INVS: variants seen among roughly 807,000 people sequenced by gnomAD.
INVS encodes the protein inversion of embryo turning homolog.
A neutral mutation model predicts 108.8 loss-of-function variants in INVS; 86 were observed. The observed-to-expected ratio is 0.79, with a 90% confidence interval of 0.66 to 0.95. The LOEUF (loss-of-function observed/expected upper bound fraction) is 0.95, where lower values mean the gene tolerates loss of function less well. Among genes scored for constraint, INVS ranks in the 40% least tolerant of loss-of-function variants. The probability of loss-of-function intolerance (pLI) is 0.00; values close to 1 mark genes in which losing one functional copy is unlikely to be tolerated. For synonymous variants in INVS, 455 were observed against 473.5 expected (o/e 0.96, Z 0.51); for missense variants, 1,169 against 1,297.4 (o/e 0.90, Z 1.52).
intron 2 of INVS, chr9:100,117,181 G>T: frequency 9.0e-7 from 1 of 1,110,222 alleles, no homozygotes; most frequent in Non-Finnish European, 1.3e-6. Context: ...TGGCCTTACG[G>T]ATGGTGGTGG....
intron 3 of INVS, among the ~76,000 whole-genome samples, chr9:100,132,556 G>T (rs1828085749): frequency 6.6e-6 from 1 of 152,048 alleles, no homozygotes; most frequent in African/African-American, 2.4e-5. Context: ...TTATTCTCAA[G>T]GACTACATTA....
intron 3 of INVS, among the ~76,000 whole-genome samples, chr9:100,219,944 A>T (rs1831095710): frequency 6.6e-6 from 1 of 152,132 alleles, no homozygotes. Context: ...GGAATGATAA[A>T]CACCCAATTC....
chr9:100,275,783 G>A (rs1833093674), intron 12 of INVS, among the ~76,000 whole-genome samples: 1 of 152,176 alleles, frequency 6.6e-6, no homozygotes, highest in Non-Finnish European at 1.5e-5. Flanking sequence ...AAGTTATAGC[G>A]ATATTTACTA....
Position 100,292,829 on chromosome 9 carries a change from G to A in INVS, c.2572G>A (p.Gly858Arg), listed in dbSNP as rs1833667122. The stretch of plus-strand genomic sequence containing the variant: ...ACAGAGCACAGAGGAGTTGAGGTCA[G>A]GAGCTAGGAGGCTGGAGACATCTAC... ...LPQSTEELRS[G>R]ARRLETSTLS... The change falls in exon 14 of 17, where the codon GGA becomes AGA. Residue 858 changes from glycine to arginine, a missense_variant. Around this residue, in one of 3 missense-constraint regions of INVS, gnomAD observed 533 missense variants for 536.0 expected, o/e 0.99. Transcript: ENST00000262457. The A allele has an allele frequency of 2.5e-6, 4 of 1,614,148 alleles. No homozygotes were observed. In the East Asian group the frequency reaches 8.9e-5, roughly 36 times the overall value.
intron 2 of INVS, chr9:100,117,189 TG>T: frequency 9.3e-7 from 1 of 1,074,858 alleles, no homozygotes; most frequent in Non-Finnish European, 1.4e-6. Flanking sequence ...CGGATGGTGG[TG>T]GCCACTTCCT....
In INVS at chr9:100,272,920, T is replaced by C. The variant is rs750486294; in HGVS notation, c.1628T>C (p.Met543Thr). The part of the protein sequence containing the change: ...LGERHEVIQF[M>T]LEHGALSIAA... ...GAGCGCCATGAAGTGATCCAGTTCA[T>C]GTTGGAGCACGGTGCCCTGTCCATC... Residue 543 changes from methionine (M) to threonine (T), a missense_variant, in exon 12 of 17, where the codon ATG becomes ACG. Met to Thr is a moderately conservative substitution (Grantham distance 81, BLOSUM62 -1). Transcript: ENST00000262457. 1 of 1,614,134 alleles carries C rather than the reference T, an allele frequency of 6.2e-7. No homozygotes were observed. The highest frequency in any genetic ancestry group is 1.7e-5 in the Admixed American group (1 of 60,008).
chr9:100,109,097 A>G (rs1320307910), intron 2 of INVS, among the ~76,000 whole-genome samples: 1 of 152,250 alleles, frequency 6.6e-6, no homozygotes, highest in Admixed American at 6.5e-5. Flanking sequence ...AATTTAGTAG[A>G]TTCATTTTAA....
chr9:100,182,444 G>A (rs182718074), intron 3 of INVS, among the ~76,000 whole-genome samples: 13 of 152,150 alleles, frequency 8.5e-5, no homozygotes, highest in East Asian at 1.9e-4. Flanking sequence ...AAAAGTGGGC[G>A]AAGTATATAA....
chr9:100,276,626 A>T (rs1212956869), intron 12 of INVS, among the ~76,000 whole-genome samples: 1 of 152,074 alleles, frequency 6.6e-6, no homozygotes, highest in Non-Finnish European at 1.5e-5. Context: ...CTCCTGCCTT[A>T]GCCTCCCAAG....
intron 11 of INVS, among the ~76,000 whole-genome samples, 172 bp from the exon 12 acceptor site, chr9:100,272,692 C>T (rs1052392045): frequency 6.6e-6 from 1 of 152,004 alleles, no homozygotes; most frequent in East Asian, 1.9e-4. Context: ...TTGTTTTGTG[C>T]CCCTCGGAGA....
At chr9:100,115,166 C>T (rs1422326051) in intron 2 of INVS, among the ~76,000 whole-genome samples, 4 of 152,056 alleles carry the variant, frequency 2.6e-5, no homozygotes, top group African/African-American at 7.2e-5. Context: ...GCAGTGGTAT[C>T]GCATTATAGG....
chr9:100,225,053 G>GT (rs1430908789), intron 3 of INVS, among the ~76,000 whole-genome samples: 1 of 150,940 alleles, frequency 6.6e-6, no homozygotes, highest in Non-Finnish European at 1.5e-5. Context: ...ATCCAAACTT[G>GT]GTTTTTTTGT....
chr9:100,153,434 A>G (rs1381518836), intron 3 of INVS, among the ~76,000 whole-genome samples: 1 of 152,226 alleles, frequency 6.6e-6, no homozygotes, highest in African/African-American at 2.4e-5. Flanking sequence ...CAATATATGA[A>G]AATATGCTCA....
At chr9:100,120,715 G>C (rs1360245938) in intron 2 of INVS, 1 of 152,208 alleles carries the variant, frequency 6.6e-6, no homozygotes, top group Non-Finnish European at 1.5e-5. Context: ...CTTGTTGTTG[G>C]GGTGAACCTT....
Position 100,229,765 on chromosome 9 carries a change from C to A in INVS, c.553C>A (p.Pro185Thr), listed in dbSNP as rs746955201. 1 of 1,614,114 alleles carries A rather than the reference C, an allele frequency of 6.2e-7. No homozygotes were observed. ...IGIPDVEGKI[P>T]LHWAANHKDP... ...GATTCCTGATGTTGAAGGCAAGATC[C>A]CACTTCACTGGGCAGCCAACCATAA... Residue 185 changes from proline to threonine, a missense_variant, in exon 5 of 17, where the codon CCA (proline) becomes ACA (threonine). This residue lies in a region of INVS where 365 missense variants were observed against 397.5 expected (regional missense o/e 0.92). Transcript: ENST00000262457.
intron 10 of INVS, among the ~76,000 whole-genome samples, chr9:100,257,579 A>G (rs960810572): frequency 6.6e-6 from 1 of 152,172 alleles, no homozygotes; most frequent in Non-Finnish European, 1.5e-5. Context: ...TGCTTCCTTC[A>G]GGAACTCTTG....
intron 3 of INVS, among the ~76,000 whole-genome samples, chr9:100,206,358 G>A (rs1830676944): frequency 6.6e-6 from 1 of 151,726 alleles, no homozygotes; most frequent in Non-Finnish European, 1.5e-5. Flanking sequence ...AAAATTTTAA[G>A]TTTTTTTTCT....
intron 3 of INVS, among the ~76,000 whole-genome samples, chr9:100,207,862 T>G (rs762704358): frequency 1.3e-5 from 2 of 152,210 alleles, no homozygotes; most frequent in Non-Finnish European, 2.9e-5. Flanking sequence ...TTGAATGTGT[T>G]TCTAAAATTT....
At chr9:100,202,557 C>A (rs949353519) in intron 3 of INVS, among the ~76,000 whole-genome samples, 2 of 151,914 alleles carry the variant, frequency 1.3e-5, no homozygotes, top group East Asian at 1.9e-4. Flanking sequence ...TTTTCTTTTC[C>A]ACTTCCTTTT....
Sources: allele counts gnomAD v4.1 joint callset (sites outside exome capture counted in the v4.1 genomes callset), GRCh38; gene constraint gnomAD v4.1.1; regional missense constraint gnomAD v4.1.1; transcripts MANE v1.5; gene names NCBI Gene and HGNC (gene_info 2026-07-23, HGNC 2026-07-21).